MAMDC2: variants seen among roughly 807,000 people sequenced by gnomAD.
MAMDC2 encodes the protein MAM domain-containing protein 2.
In MAMDC2, 57 loss-of-function variants were observed where a neutral mutation model predicts 89.8. The ratio of observed to expected loss-of-function variants is 0.63; its 90% CI spans 0.51 to 0.79. The LOEUF (loss-of-function observed/expected upper bound fraction) is 0.79, where lower values mean the gene tolerates loss of function less well. MAMDC2 is among the 30% of genes least tolerant of loss of function. MAMDC2 has a pLI of 0.00. For synonymous variants in MAMDC2, 313 were observed against 293.4 expected (o/e 1.07, Z -0.68); for missense variants, 800 against 820.6 (o/e 0.97, Z 0.31).
At chr9:70,102,415 A>G (rs1828220318) in intron 2 of MAMDC2, among the ~76,000 whole-genome samples, 1 of 152,154 alleles carries the variant, frequency 6.6e-6, no homozygotes, top group South Asian at 2.1e-4. Flanking sequence ...TTGTGCCCTG[A>G]CCATGCTGCC....
At chr9:70,179,808 C>CACTG (rs1233291229) in intron 11 of MAMDC2, among the ~76,000 whole-genome samples, 2 of 26,148 alleles carry the variant, frequency 7.6e-5, no homozygotes, top group Non-Finnish European at 2.4e-4. Flanking sequence ...CACTAGAGAT[C>CACTG]ACTGTGCACT....
chr9:70,045,124 G>T (rs1343447134), intron 2 of MAMDC2, among the ~76,000 whole-genome samples: 2 of 152,240 alleles, frequency 1.3e-5, no homozygotes, highest in African/African-American at 2.4e-5. Flanking sequence ...TTGCAGAAAT[G>T]GTTCCACAAT....
At chr9:70,085,842 A>G (rs1827759810) in intron 2 of MAMDC2, 1 of 152,130 alleles carries the variant, frequency 6.6e-6, no homozygotes, top group Non-Finnish European at 1.5e-5. Flanking sequence ...ATTTTTTATT[A>G]ATATAAATTA....
intron 2 of MAMDC2, among the ~76,000 whole-genome samples, chr9:70,094,211 T>G (rs1827972112): frequency 6.6e-6 from 1 of 152,246 alleles, no homozygotes. Context: ...ATTTCCCTGT[T>G]GTCAGGGAGA....
At chr9:70,096,270 A>AG (rs112621051) in intron 2 of MAMDC2, among the ~76,000 whole-genome samples, 6,417 of 152,116 alleles carry the variant, frequency 0.042, 405 homozygotes, top group African/African-American at 0.14. Flanking sequence ...CTCCCACCTC[A>AG]GCCTCCCAAA....
intron 2 of MAMDC2, among the ~76,000 whole-genome samples, chr9:70,097,467 C>T (rs764711776): frequency 3.9e-5 from 6 of 152,152 alleles, no homozygotes; most frequent in Non-Finnish European, 8.8e-5. Context: ...CACCCATGAC[C>T]CTGTGTGTTG....
At chr9:70,152,399 T>C (rs1056160812) in intron 9 of MAMDC2, among the ~76,000 whole-genome samples, 6 of 152,136 alleles carry the variant, frequency 3.9e-5, no homozygotes, top group African/African-American at 1.4e-4. Flanking sequence ...CAGCACTTCA[T>C]TTGATGCCAC....
intron 5 of MAMDC2, chr9:70,113,869 A>C (rs4744976): frequency 0.52 from 79,120 of 151,694 alleles, 23,870 homozygotes; most frequent in Non-Finnish European, 0.67. Context: ...GCCTTTCAAC[A>C]AGAACAAGAA....
chr9:70,105,474 G>A (rs948256995), intron 2 of MAMDC2, among the ~76,000 whole-genome samples: 1 of 152,138 alleles, frequency 6.6e-6, no homozygotes, highest in Non-Finnish European at 1.5e-5. Flanking sequence ...CTGCTGAGTG[G>A]ATTGCATCCA....
At chr9:70,077,436 A>G (rs777123567) in intron 2 of MAMDC2, among the ~76,000 whole-genome samples, 7 of 152,232 alleles carry the variant, frequency 4.6e-5, no homozygotes, top group Non-Finnish European at 1.0e-4. Flanking sequence ...GTTCTGTACT[A>G]TAGCTGCTTG....
intron 11 of MAMDC2, chr9:70,175,849 T>A (rs1259393453): frequency 6.6e-6 from 1 of 152,262 alleles, no homozygotes; most frequent in Non-Finnish European, 1.5e-5. Context: ...GCCTTCTTGC[T>A]TCACATGGCC....
intron 2 of MAMDC2, among the ~76,000 whole-genome samples, chr9:70,064,016 A>G (rs987676854): frequency 6.6e-5 from 10 of 152,154 alleles, no homozygotes; most frequent in African/African-American, 2.4e-4. Flanking sequence ...CAAAGGGATA[A>G]GCATTCTTTA....
intron 11 of MAMDC2, among the ~76,000 whole-genome samples, chr9:70,215,828 G>A (rs2033435835): frequency 6.6e-6 from 1 of 152,136 alleles, no homozygotes; most frequent in Non-Finnish European, 1.5e-5. Flanking sequence ...CAAACACTGG[G>A]GGAAGAGGTT....
intron 12 of MAMDC2, among the ~76,000 whole-genome samples, chr9:70,219,443 G>A (rs2033514369): frequency 1.3e-5 from 2 of 152,270 alleles, no homozygotes; most frequent in South Asian, 4.1e-4. Context: ...AAACCTCCTG[G>A]ACCAGCACTC....
At chr9:70,213,578 A>T (rs1275785031) in intron 11 of MAMDC2, among the ~76,000 whole-genome samples, 1 of 152,122 alleles carries the variant, frequency 6.6e-6, no homozygotes, top group Non-Finnish European at 1.5e-5. Flanking sequence ...AATTAAACAC[A>T]CCCTTCTGTT....
At chr9:70,173,927 G>C (rs192795163) in intron 11 of MAMDC2, among the ~76,000 whole-genome samples, 7 of 152,304 alleles carry the variant, frequency 4.6e-5, no homozygotes, top group Non-Finnish European at 7.3e-5. Context: ...TCTAGAAAAT[G>C]AGAATAATCA....
At chr9:70,104,031 G>T (rs3015203) in intron 2 of MAMDC2, among the ~76,000 whole-genome samples, 1 of 151,048 alleles carries the variant, frequency 6.6e-6, no homozygotes, top group South Asian at 2.1e-4. Context: ...ATGGGAAAAA[G>T]TATTTGCAAA....
chr9:70,135,454 C>T (rs187833815), intron 7 of MAMDC2, among the ~76,000 whole-genome samples: 120 of 151,874 alleles, frequency 7.9e-4, no homozygotes, highest in Admixed American at 1.6e-3. Flanking sequence ...AGATTTAGCC[C>T]CTGAGTTATG....
chr9:70,216,576 A>G (rs541314324), intron 11 of MAMDC2, among the ~76,000 whole-genome samples: 1 of 152,312 alleles, frequency 6.6e-6, no homozygotes, highest in South Asian at 2.1e-4. Flanking sequence ...GGGCTTCAAC[A>G]TATGAATTTG....
Sources: gnomAD v4.1 joint callset for allele counts (sites outside exome capture counted in the v4.1 genomes callset) on GRCh38, gnomAD v4.1.1 for gene constraint, MANE v1.5 for transcripts, NCBI Gene and HGNC (gene_info 2026-07-23, HGNC 2026-07-21) for gene names.